CD96: variants seen among roughly 807,000 people sequenced by gnomAD.
CD96 encodes the protein T-cell surface protein tactile.
A neutral mutation model predicts 71.3 loss-of-function variants in CD96; 70 were observed. The observed-to-expected ratio is 0.98, with a 90% CI of 0.81 to 1.20. The LOEUF is 1.20. Among genes scored for constraint, CD96 ranks in the 50% most tolerant of loss-of-function variants. The pLI is 0.00. For synonymous variants in CD96, 248 were observed against 233.0 expected (o/e 1.06, Z -0.59); for missense variants, 742 against 677.5 (o/e 1.10, Z -1.06).
At chr3:111,607,116 A>T (rs1409586511) in intron 8 of CD96, 1 of 321,210 alleles carries the variant, frequency 3.1e-6, no homozygotes, top group East Asian at 7.2e-5. Context: ...AAGAGTTAAC[A>T]TAGCTTCCAA....
intron 14 of CD96, among the ~76,000 whole-genome samples, chr3:111,664,551 A>G (rs1940436053): frequency 6.6e-6 from 1 of 152,192 alleles, no homozygotes; most frequent in African/African-American, 2.4e-5. Context: ...AAAATAACCT[A>G]TCAAGTACCA....
At chr3:111,662,423 A>AT in intron 14 of CD96, among the ~76,000 whole-genome samples, 1 of 152,252 alleles carries the variant, frequency 6.6e-6, no homozygotes, top group East Asian at 1.9e-4. Context: ...CAGAAAATGG[A>AT]TTTTTCTTTT....
At chr3:111,608,744 A>G (rs1174992618) in intron 8 of CD96, among the ~76,000 whole-genome samples, 2 of 152,262 alleles carry the variant, frequency 1.3e-5, no homozygotes, top group Non-Finnish European at 2.9e-5. Context: ...GTCAAAAACT[A>G]TTAGTTGAAT....
chr3:111,584,446 A>C (rs1024929841), intron 4 of CD96, among the ~76,000 whole-genome samples: 1 of 152,196 alleles, frequency 6.6e-6, no homozygotes, highest in East Asian at 1.9e-4. Context: ...TTTCAGCAAC[A>C]CTCGACTGTA....
chr3:111,642,805 TAA>T (rs200092300), intron 12 of CD96, among the ~76,000 whole-genome samples: 1 of 146,806 alleles, frequency 6.8e-6, no homozygotes, highest in South Asian at 2.1e-4. Flanking sequence ...AGACTCCGCC[TAA>T]AAAAAAAATA....
intron 2 of CD96, among the ~76,000 whole-genome samples, chr3:111,558,829 T>C (rs1396251558): frequency 6.7e-6 from 1 of 149,066 alleles, no homozygotes; most frequent in African/African-American, 2.5e-5. Context: ...TGTGAATCCA[T>C]CTGGTCCTGG....
intron 2 of CD96, among the ~76,000 whole-genome samples, chr3:111,552,325 C>A (rs1934755319): frequency 6.6e-6 from 1 of 152,034 alleles, no homozygotes; most frequent in Non-Finnish European, 1.5e-5. Flanking sequence ...ATGTGGGGAG[C>A]AGCATTCCTC....
At chr3:111,574,701 G>A (rs987628646) in intron 3 of CD96, among the ~76,000 whole-genome samples, 1 of 151,718 alleles carries the variant, frequency 6.6e-6, no homozygotes, top group African/African-American at 2.4e-5. Flanking sequence ...ATATTTGTTT[G>A]TGTGTACATG....
At chr3:111,623,922 A>AT in intron 9 of CD96, 100 bp downstream of exon 9, 1 of 811,536 alleles carries the variant, frequency 1.2e-6, no homozygotes, top group Non-Finnish European at 2.2e-6. Context: ...AAACAGCTGT[A>AT]TTTTTCATTT....
intron 12 of CD96, among the ~76,000 whole-genome samples, chr3:111,645,152 GTA>G (rs140591292): frequency 1.6e-4 from 24 of 149,136 alleles, no homozygotes; most frequent in Non-Finnish European, 2.2e-4. Context: ...AAACCGTGGT[GTA>G]TATATATATA....
At chr3:111,623,852 T>A in intron 9 of CD96, 30 bp downstream of exon 9, 1 of 1,441,478 alleles carries the variant, frequency 6.9e-7, no homozygotes, top group Non-Finnish European at 9.8e-7. Flanking sequence ...CCTACATGAT[T>A]GGAAAGAGAC....
chr3:111,581,005 C>G (rs1057276147), intron 4 of CD96, among the ~76,000 whole-genome samples: 1 of 152,152 alleles, frequency 6.6e-6, no homozygotes, highest in Non-Finnish European at 1.5e-5. Context: ...ATCTAATTGC[C>G]TTGTCAACAT....
chr3:111,642,044 C>T (rs1939617302), intron 12 of CD96, among the ~76,000 whole-genome samples: 1 of 152,140 alleles, frequency 6.6e-6, no homozygotes, highest in African/African-American at 2.4e-5. Context: ...CAACAAAAAT[C>T]TGAAAGAGTG....
Position 111,611,855 on chromosome 3 carries a change from G to A in CD96, c.1180+5063G>A, listed in dbSNP as rs533502753. On this transcript the variant is annotated intron_variant, in intron 8 of 13. Transcript: ENST00000352690. The stretch of plus-strand genomic sequence containing the variant: ...GAGAGGGCTAAGGGTTGATTAGGTG[G>A]GGTGGAACAAGGTAAAGATGAGCTT... Among the ~76,000 whole-genome samples, 3 of 152,272 alleles carry A rather than the reference G, an allele frequency of 2.0e-5. No homozygotes were observed. The South Asian group carries it at 6.2e-4, about 32-fold the overall frequency.
Position 111,650,814 on chromosome 3 carries a change from T to C in CD96, c.*1008T>C, listed in dbSNP as rs1476434765. 2.0e-5 allele frequency: 3 copies of C among 152,204 alleles called. No homozygotes were observed. Among genetic ancestry groups the C allele is most frequent in the Non-Finnish European group, 4.4e-5 (3 of 68,048 alleles). The allele number at this position is 152,204 out of a possible 1,614,324, so 9.4% of individuals were successfully genotyped here. Reference sequence around the variant, plus strand: ...GAGAAGAAACCTAGTCAGCCAGACGTGCTCTGTATTCAGCAATAGTTTGTG... The same window carrying C: ...GAGAAGAAACCTAGTCAGCCAGACGCGCTCTGTATTCAGCAATAGTTTGTG... On this transcript the variant is annotated 3_prime_UTR_variant, in exon 14 of 14. Coordinates refer to ENST00000352690, the MANE Select transcript of CD96 (RefSeq NM_005816.5).
intron 3 of CD96, among the ~76,000 whole-genome samples, chr3:111,576,991 CT>C (rs2107577580): frequency 6.6e-6 from 1 of 152,298 alleles, no homozygotes; most frequent in East Asian, 1.9e-4. Context: ...TTCTTTGCAA[CT>C]GAATCCCATC....
intron 12 of CD96, among the ~76,000 whole-genome samples, chr3:111,644,827 A>T (rs1215245036): frequency 6.6e-6 from 1 of 152,200 alleles, no homozygotes; most frequent in Non-Finnish European, 1.5e-5. Context: ...ATACCACCTT[A>T]GTCCTGTAAG....
At chr3:111,605,027 G>A (rs1937586012) in intron 7 of CD96, among the ~76,000 whole-genome samples, 1 of 152,168 alleles carries the variant, frequency 6.6e-6, no homozygotes, top group Non-Finnish European at 1.5e-5. Context: ...TCTTATTAAG[G>A]TACCACTTTG....
intron 2 of CD96, among the ~76,000 whole-genome samples, chr3:111,564,656 C>T (rs763350194): frequency 3.9e-5 from 6 of 152,122 alleles, no homozygotes; most frequent in Non-Finnish European, 7.4e-5. Flanking sequence ...TGATAATATG[C>T]TCTCATTGTT....
Sources: gnomAD v4.1 joint callset for allele counts (sites outside exome capture counted in the v4.1 genomes callset) on GRCh38, gnomAD v4.1.1 for gene constraint, MANE v1.5 for transcripts, NCBI Gene and HGNC (gene_info 2026-07-23, HGNC 2026-07-21) for gene names.